ETS1: variants seen among roughly 807,000 people sequenced by gnomAD.
The protein encoded by ETS1 is ETS proto-oncogene 1, transcription factor.
A neutral mutation model predicts 58.6 loss-of-function variants in ETS1; 15 were observed. The observed-to-expected ratio is 0.26, with a 90% CI of 0.17 to 0.39. The LOEUF (loss-of-function observed/expected upper bound fraction) is 0.39, where lower values mean the gene tolerates loss of function less well. Among genes scored for constraint, ETS1 ranks in the 10% least tolerant of loss-of-function variants. The pLI is 1.00. For missense variants in ETS1, 417 were observed against 610.5 expected, an observed-to-expected ratio of 0.68 and a Z score of 3.34; for synonymous variants, 214 against 218.2, an observed-to-expected ratio of 0.98 and a Z score of 0.17.
intron 5 of ETS1, 59 bp downstream of exon 5, chr11:128,489,231 T>C (rs1862727631): frequency 1.4e-6 from 2 of 1,474,742 alleles, no homozygotes; most frequent in Admixed American, 3.4e-5. Flanking sequence ...GTGAGCCCCC[T>C]ACCTACTCTC....
chr11:128,472,075 A>G (rs958094244), intron 8 of ETS1, among the ~76,000 whole-genome samples: 1 of 152,210 alleles, frequency 6.6e-6, no homozygotes, highest in South Asian at 2.1e-4. Context: ...AGCAAAACAC[A>G]ATATTAACAA....
chr11:128,579,666 A>G (rs1392093482), intron 1 of ETS1, among the ~76,000 whole-genome samples: 1 of 152,028 alleles, frequency 6.6e-6, no homozygotes, highest in Non-Finnish European at 1.5e-5. Context: ...ATTGAAAAAA[A>G]AAAAAAAAAA....
chr11:128,542,796 T>A (rs946167530), intron 3 of ETS1, among the ~76,000 whole-genome samples: 2 of 152,122 alleles, frequency 1.3e-5, no homozygotes, highest in Non-Finnish European at 2.9e-5. Flanking sequence ...TCACAAAAAA[T>A]ACCCATGGAA....
intron 3 of ETS1, among the ~76,000 whole-genome samples, chr11:128,517,010 T>C (rs1863543437): frequency 6.6e-6 from 1 of 152,200 alleles, no homozygotes; most frequent in African/African-American, 2.4e-5. Context: ...CAAGGCCATA[T>C]GGAAGACGTT....
intron 3 of ETS1, among the ~76,000 whole-genome samples, chr11:128,547,227 C>CA (rs1407197327): frequency 6.6e-6 from 1 of 152,196 alleles, no homozygotes; most frequent in Non-Finnish European, 1.5e-5. Flanking sequence ...TCTAGAAGTA[C>CA]AATGTGCTAA....
chr11:128,512,194 C>A (rs1381874959), intron 3 of ETS1, among the ~76,000 whole-genome samples: 1 of 152,152 alleles, frequency 6.6e-6, no homozygotes, highest in Non-Finnish European at 1.5e-5. Context: ...TCAGTTTCTT[C>A]ATCTATGAAA....
chr11:128,586,600 A>C (rs1865035929), intron 1 of ETS1, among the ~76,000 whole-genome samples: 1 of 152,238 alleles, frequency 6.6e-6, no homozygotes, highest in African/African-American at 2.4e-5. Flanking sequence ...GGTCTAAAGT[A>C]AGAAGGAAAA....
chr11:128,544,397 G>A (rs1240065146), intron 3 of ETS1, among the ~76,000 whole-genome samples: 1 of 139,162 alleles, frequency 7.2e-6, no homozygotes, highest in Non-Finnish European at 1.5e-5. Context: ...AGCCCAGTTA[G>A]TAGGGCTGAG....
chr11:128,467,613 T>C (rs1245070920), intron 8 of ETS1, among the ~76,000 whole-genome samples: 5 of 152,050 alleles, frequency 3.3e-5, no homozygotes, highest in African/African-American at 1.2e-4. Context: ...CAGTGACCTT[T>C]GTCCCCTAGA....
intron 3 of ETS1, among the ~76,000 whole-genome samples, chr11:128,538,451 A>G (rs1423213085): frequency 6.6e-6 from 1 of 152,164 alleles, no homozygotes; most frequent in African/African-American, 2.4e-5. Flanking sequence ...ATTATTTCAC[A>G]TAACATGCCC....
At chr11:128,570,350 G>A (rs1456069608) in intron 2 of ETS1, among the ~76,000 whole-genome samples, 1 of 151,268 alleles carries the variant, frequency 6.6e-6, no homozygotes, top group Non-Finnish European at 1.5e-5. Flanking sequence ...CGATTCTCAT[G>A]CCACAGCCTC....
At chr11:128,519,476 C>T (rs1424794690) in intron 3 of ETS1, among the ~76,000 whole-genome samples, 1 of 152,242 alleles carries the variant, frequency 6.6e-6, no homozygotes, top group African/African-American at 2.4e-5. Context: ...ATTTAAGTCA[C>T]AGCTGTGGAT....
In ETS1 at chr11:128,520,732, C is replaced by T. The variant is rs1244029930; in HGVS notation, c.215-30156G>A. ...TGTCAGGGGACCCAGAGGGAGGGGA[C>T]GTGACCTACATGTCTTTATTAATAT... On this transcript the variant is annotated intron_variant, in intron 3 of 9. Transcript: ENST00000392668. Among the ~76,000 whole-genome samples, 6 of 152,146 alleles carry T rather than the reference C, an allele frequency of 3.9e-5. No homozygotes were observed. The East Asian group carries it at 5.8e-4, about 15-fold the overall frequency.
intron 7 of ETS1, among the ~76,000 whole-genome samples, chr11:128,481,944 T>C (rs1862498805): frequency 6.6e-6 from 1 of 152,104 alleles, no homozygotes; most frequent in Non-Finnish European, 1.5e-5. Context: ...AACAGAAAGG[T>C]GGTGTCATCC....
chr11:128,526,013 C>T (rs1208917154), intron 3 of ETS1: 3 of 152,230 alleles, frequency 2.0e-5, no homozygotes, highest in East Asian at 3.8e-4. Context: ...GCCACTTAAC[C>T]TTTTTGTGTC....
intron 2 of ETS1, among the ~76,000 whole-genome samples, chr11:128,563,245 A>G (rs1864434716): frequency 6.6e-6 from 1 of 152,226 alleles, no homozygotes; most frequent in African/African-American, 2.4e-5. Flanking sequence ...GTAAGACACT[A>G]TACATATTTC....
At chr11:128,502,900 C>A (rs921177261) in intron 3 of ETS1, among the ~76,000 whole-genome samples, 1 of 152,194 alleles carries the variant, frequency 6.6e-6, no homozygotes, top group African/African-American at 2.4e-5. Context: ...TGCATGCCTT[C>A]ATTGTGAGTT....
chr11:128,494,392 T>A (rs1488940527), intron 3 of ETS1, among the ~76,000 whole-genome samples: 1 of 152,232 alleles, frequency 6.6e-6, no homozygotes, highest in Non-Finnish European at 1.5e-5. Context: ...AAGCTGGTGA[T>A]TAAATAACCA....
chr11:128,490,596 A>T lies in ETS1; in HGVS notation c.215-20T>A, dbSNP rs749609558. The T allele has an allele frequency of 1.9e-6, 3 of 1,598,446 alleles. No individual in the cohort carries two copies. On this transcript the variant is annotated intron_variant, in intron 3 of 9. Coordinates refer to ENST00000392668, the MANE Select transcript of ETS1 (RefSeq NM_001143820.2). The stretch of plus-strand genomic sequence containing the variant: ...CCATATCTGCATGAAAAAATTGCAT[A>T]TGAATAACAAAAATTACATAGGTAA...
Sources: allele counts gnomAD v4.1 joint callset (sites outside exome capture counted in the v4.1 genomes callset), GRCh38; gene constraint gnomAD v4.1.1; transcripts MANE v1.5; gene names NCBI Gene and HGNC (gene_info 2026-07-23, HGNC 2026-07-21).